Variants in DIAPH2 observed in about 807,000 individuals in gnomAD.
The protein encoded by DIAPH2 is diaphanous related formin 2.
Under a neutral mutation model 92.7 loss-of-function variants are expected in DIAPH2, and 35 were observed. The ratio of observed to expected loss-of-function variants is 0.38; its 90% CI spans 0.29 to 0.50. DIAPH2 has a LOEUF of 0.50. DIAPH2 is among the 20% of genes least tolerant of loss of function. The probability of loss-of-function intolerance (pLI) is 0.94; values close to 1 mark genes in which losing one functional copy is unlikely to be tolerated. For synonymous variants in DIAPH2, 301 were observed against 280.4 expected, an observed-to-expected ratio of 1.07 and a Z score of -0.73; for missense variants, 701 against 819.5, an observed-to-expected ratio of 0.86 and a Z score of 1.77.
At chrX:97,594,394 A>T (rs2071537356) in intron 26 of DIAPH2, among the ~76,000 whole-genome samples, 1 of 112,487 alleles carries the variant, frequency 8.9e-6, no homozygotes, top group Non-Finnish European at 1.9e-5. Flanking sequence ...AAGCATAAAT[A>T]AAACCATTTT....
At chrX:97,044,250 A>G (rs2066465912) in intron 17 of DIAPH2, among the ~76,000 whole-genome samples, 1 of 111,379 alleles carries the variant, frequency 9.0e-6, no homozygotes, top group African/African-American at 3.3e-5. Flanking sequence ...TTTTGGTCAA[A>G]CCCTGTAAGT....
chrX:97,568,775 A>G lies in DIAPH2; in HGVS notation c.3242-30478A>G, dbSNP rs904658023. ...AAAAACATTTATCTCCTTTTACTCTAGTCACACTATGTTTGTGGCTTGCAT... is the reference window on the plus strand; with the variant it reads ...AAAAACATTTATCTCCTTTTACTCTGGTCACACTATGTTTGTGGCTTGCAT... On this transcript the variant is annotated intron_variant, in intron 26 of 26. Coordinates refer to ENST00000324765, the MANE Select transcript of DIAPH2 (RefSeq NM_006729.5). Among the ~76,000 whole-genome samples the G allele has an allele frequency of 2.7e-5, 3 of 111,986 alleles. No homozygotes were observed. The Admixed American group carries it at 2.8e-4, about 11-fold the overall frequency.
At chrX:96,844,930 A>G (rs1166301355) in intron 4 of DIAPH2, among the ~76,000 whole-genome samples, 1 of 112,261 alleles carries the variant, frequency 8.9e-6, no homozygotes, top group Non-Finnish European at 1.9e-5. Context: ...GTTATGAAAT[A>G]TGAAAAATAA....
chrX:97,074,474 A>G (rs905158943), intron 18 of DIAPH2, among the ~76,000 whole-genome samples: 41 of 112,691 alleles, frequency 3.6e-4, no homozygotes, highest in Non-Finnish European at 2.1e-4. Flanking sequence ...GTTCTTTAAA[A>G]AATATGTTTA....
intron 4 of DIAPH2, among the ~76,000 whole-genome samples, chrX:96,772,251 C>CA (rs1367263414): frequency 8.9e-6 from 1 of 111,912 alleles, no homozygotes; most frequent in Non-Finnish European, 1.9e-5. Flanking sequence ...TGAAGTGTTT[C>CA]AGAGTGTTTA....
intron 4 of DIAPH2, among the ~76,000 whole-genome samples, chrX:96,844,508 G>C (rs1358960884): frequency 2.7e-5 from 3 of 111,695 alleles, no homozygotes; most frequent in Non-Finnish European, 5.7e-5. Context: ...TTTATTTTTA[G>C]ATCAAGTTTT....
At chrX:97,459,985 G>A (rs1459402853) in intron 26 of DIAPH2, among the ~76,000 whole-genome samples, 1 of 112,072 alleles carries the variant, frequency 8.9e-6, no homozygotes, top group African/African-American at 3.2e-5. Context: ...TACTTTCTAA[G>A]CACCTAAAAT....
chrX:96,802,910 A>C (rs2064594756), intron 4 of DIAPH2, among the ~76,000 whole-genome samples: 1 of 111,806 alleles, frequency 8.9e-6, no homozygotes, highest in Admixed American at 9.5e-5. Context: ...TAAGTGCAAG[A>C]GTCCAAAAGC....
At chrX:96,894,154 C>CTG (rs781499384) in intron 5 of DIAPH2, among the ~76,000 whole-genome samples, 3 of 111,752 alleles carry the variant, frequency 2.7e-5, no homozygotes, top group African/African-American at 9.7e-5. Context: ...CAACCTACTC[C>CTG]TGTTAGGTCA....
At chrX:97,056,416 T>C (rs1328815851) in intron 17 of DIAPH2, among the ~76,000 whole-genome samples, 1 of 111,678 alleles carries the variant, frequency 9.0e-6, no homozygotes, top group African/African-American at 3.3e-5. Flanking sequence ...GCAAAATTCA[T>C]ACTGAGATTC....
intron 3 of DIAPH2, among the ~76,000 whole-genome samples, chrX:96,750,965 G>C (rs1367281999): frequency 8.9e-6 from 1 of 112,387 alleles, no homozygotes; most frequent in Admixed American, 9.4e-5. Flanking sequence ...GAAAATTCAT[G>C]AGAAGCTTCT....
At chrX:96,790,427 T>C (rs1024797830) in intron 4 of DIAPH2, among the ~76,000 whole-genome samples, 11 of 111,693 alleles carry the variant, frequency 9.8e-5, no homozygotes, top group African/African-American at 3.3e-4. Flanking sequence ...TCCATGGTGA[T>C]TGTTAGAAAA....
intron 17 of DIAPH2, among the ~76,000 whole-genome samples, chrX:96,995,948 A>G (rs2066102356): frequency 9.0e-6 from 1 of 111,171 alleles, no homozygotes; most frequent in South Asian, 3.8e-4. Context: ...TAGGCTTGAA[A>G]AAAAGAAAGG....
At chrX:97,185,313 A>ATATATATGTGTG (rs2067572926) in intron 22 of DIAPH2, among the ~76,000 whole-genome samples, 1 of 31,260 alleles carries the variant, frequency 3.2e-5, no homozygotes, top group African/African-American at 1.5e-4. Context: ...AAAAATATAT[A>ATATATATGTGTG]TATATATATA....
At position 97,600,781 on chromosome X, in the gene DIAPH2, A is replaced by C. The variant is rs970116588; in HGVS notation, c.*1464A>C. ...TCTACTCATTCAAAGCACATTGTAG[A>C]TATTCAGAGAGAAGAACAAATGGCT... On this transcript the variant is annotated 3_prime_UTR_variant, in exon 27 of 27. Coordinates refer to ENST00000324765, the MANE Select transcript of DIAPH2 (RefSeq NM_006729.5). The C allele has an allele frequency of 8.9e-6, 1 of 112,039 alleles. No individual in the cohort carries two copies. The highest frequency in any genetic ancestry group is 1.9e-5 in the Non-Finnish European group (1 of 53,178). 9.2% of individuals were successfully genotyped at this position (112,039 alleles called of 1,213,427 possible).
chrX:97,481,186 A>G (rs5967316), intron 26 of DIAPH2, among the ~76,000 whole-genome samples: 43,313 of 110,524 alleles, frequency 0.39, 6,080 homozygotes, highest in East Asian at 0.56. Flanking sequence ...TTTTGTTTTT[A>G]CATCTCTGTG....
intron 26 of DIAPH2, among the ~76,000 whole-genome samples, chrX:97,582,411 A>T (rs1245574890): frequency 2.1e-5 from 2 of 96,177 alleles, no homozygotes; most frequent in Non-Finnish European, 4.1e-5. Flanking sequence ...AAAGTATTTT[A>T]TTTCTCCTTC....
intron 17 of DIAPH2, among the ~76,000 whole-genome samples, chrX:96,989,090 C>T (rs965890181): frequency 9.0e-6 from 1 of 111,352 alleles, no homozygotes; most frequent in Non-Finnish European, 1.9e-5. Context: ...ATCACAAAGT[C>T]CTCTTCCCCA....
At chrX:97,168,576 C>T (rs926991057) in intron 22 of DIAPH2, among the ~76,000 whole-genome samples, 3 of 111,029 alleles carry the variant, frequency 2.7e-5, no homozygotes, top group Non-Finnish European at 5.7e-5. Flanking sequence ...GAAAAAAATA[C>T]ATTTAAAAAA....
Sources: gnomAD v4.1 joint callset for allele counts (sites outside exome capture counted in the v4.1 genomes callset) on GRCh38, gnomAD v4.1.1 for gene constraint, MANE v1.5 for transcripts, NCBI Gene and HGNC (gene_info 2026-07-23, HGNC 2026-07-21) for gene names.